The following MOB3B variants were observed in gnomAD, a reference collection of about 807,000 sequenced individuals.
MOB3B encodes MOB kinase activator 3B.
In MOB3B, 7 loss-of-function variants were observed where a neutral mutation model predicts 18.7. That is an observed-to-expected ratio of 0.37 (90% CI 0.21 to 0.70). The LOEUF (loss-of-function observed/expected upper bound fraction) is 0.70, where lower values mean the gene tolerates loss of function less well. Ranked by LOEUF, MOB3B falls within the 30% of genes least tolerant of loss-of-function variation. The pLI, the probability that MOB3B is intolerant of heterozygous loss-of-function variation, is 0.52. For missense variants in MOB3B, 253 were observed against 281.3 expected (o/e 0.90, Z 0.72); for synonymous variants, 111 against 99.9 (o/e 1.11, Z -0.66).
intron 3 of MOB3B, among the ~76,000 whole-genome samples, chr9:27,347,065 C>G (rs1821039391): frequency 6.6e-6 from 1 of 152,188 alleles, no homozygotes; most frequent in Admixed American, 6.5e-5. Flanking sequence ...CAGTGACAAT[C>G]TATGTTATTC....
intron 2 of MOB3B, among the ~76,000 whole-genome samples, chr9:27,438,825 T>G (rs946526539): frequency 6.6e-6 from 1 of 152,080 alleles, no homozygotes; most frequent in Non-Finnish European, 1.5e-5. Context: ...GCTAAAAAAC[T>G]TCATGGGCCC....
rs1345545331 is a variant in MOB3B at position 27,359,043 on chromosome 9, T to C, written c.612A>G (p.Leu204=). ...TEMNLIDRKE[L]EPLKEMTSRM... is the part of the protein sequence containing the mutation. ...TCATGGTGTCACTTACCAAAGGCTC[T>C]AGCTCCTTGCGGTCTATGAGGTTCA... Residue 204 remains leucine, a synonymous_variant, in exon 3 of 4, where the codon CTA becomes CTG. Coordinates refer to ENST00000262244, the MANE Select transcript of MOB3B (RefSeq NM_024761.5). The C allele has an allele frequency of 3.1e-6, 5 of 1,614,216 alleles. No individual in the cohort carries two copies. The highest frequency in any genetic ancestry group is 3.4e-6 in the Non-Finnish European group (4 of 1,180,030).
intron 1 of MOB3B, among the ~76,000 whole-genome samples, chr9:27,502,577 A>C (rs1028790251): frequency 1.4e-4 from 21 of 152,242 alleles, no homozygotes; most frequent in Non-Finnish European, 2.9e-5. Context: ...GAGATGGCCA[A>C]GTACACATCA....
chr9:27,494,271 C>T (rs1029173826), intron 1 of MOB3B, among the ~76,000 whole-genome samples: 3 of 152,168 alleles, frequency 2.0e-5, no homozygotes, highest in African/African-American at 7.2e-5. Context: ...CCTATGATCT[C>T]GCCCTGCCTC....
intron 2 of MOB3B, among the ~76,000 whole-genome samples, chr9:27,451,309 C>G (rs948839304): frequency 6.6e-6 from 1 of 152,142 alleles, no homozygotes; most frequent in Admixed American, 6.6e-5. Flanking sequence ...TCAGAATTTA[C>G]TGCTCTTTCA....
At chr9:27,435,047 TTCTCTCTC>T (rs60408942) in intron 2 of MOB3B, among the ~76,000 whole-genome samples, 62,621 of 145,816 alleles carry the variant, frequency 0.43, 13,314 homozygotes, top group South Asian at 0.48. Flanking sequence ...TGTAAGGTGT[TTCTCTCTC>T]TCTCTCTCTC....
chr9:27,438,978 G>A (rs947143431), intron 2 of MOB3B, among the ~76,000 whole-genome samples: 5 of 152,036 alleles, frequency 3.3e-5, no homozygotes, highest in Admixed American at 1.3e-4. Context: ...GAGCCTCAAC[G>A]GTTTATTGAT....
intron 2 of MOB3B, among the ~76,000 whole-genome samples, chr9:27,430,654 A>G (rs1822404342): frequency 6.6e-6 from 1 of 152,198 alleles, no homozygotes; most frequent in African/African-American, 2.4e-5. Flanking sequence ...GTTAAAGCCA[A>G]GGTAAAAGAA....
chr9:27,326,457 GA>G lies in MOB3B; in HGVS notation c.*4129del. 1 of 398,524 alleles carries G rather than the reference GA, an allele frequency of 2.5e-6. No homozygotes were observed. Among genetic ancestry groups the G allele is most frequent in the Admixed American group, 4.4e-5 (1 of 22,726 alleles). 24.7% of individuals were successfully genotyped at this position (398,524 alleles called of 1,614,324 possible). The stretch of plus-strand genomic sequence containing the variant: ...AGTGGGACACTAGAAAAGATATACT[GA>G]AACTCAAAAAGAATACTTCAGCTCG... On this transcript the variant is annotated 3_prime_UTR_variant, in exon 4 of 4. Coordinates refer to ENST00000262244, the MANE Select transcript of MOB3B (RefSeq NM_024761.5).
chr9:27,328,855 T>A lies in MOB3B; in HGVS notation c.*1732A>T, dbSNP rs1820748099. ...AGATGTAGGGAAAAAACTTTGCCTATCTTGTCCTCTCAAAGTTACTTAGGA... is the reference window on the plus strand; with the variant it reads ...AGATGTAGGGAAAAAACTTTGCCTAACTTGTCCTCTCAAAGTTACTTAGGA... On this transcript the variant is annotated 3_prime_UTR_variant, in exon 4 of 4. Coordinates refer to ENST00000262244, the MANE Select transcript of MOB3B (RefSeq NM_024761.5). The A allele has an allele frequency of 6.6e-6, 1 of 152,614 alleles. No individual in the cohort carries two copies. Among genetic ancestry groups the A allele is most frequent in the Non-Finnish European group, 1.5e-5 (1 of 68,032 alleles). The allele number at this position is 152,614 out of a possible 1,614,324, so 9.5% of individuals were successfully genotyped here.
chr9:27,357,325 C>T (rs1357676508), intron 3 of MOB3B, among the ~76,000 whole-genome samples: 1 of 150,738 alleles, frequency 6.6e-6, no homozygotes. Flanking sequence ...CTTGTTGATC[C>T]TGGAGGGACT....
rs1215601859 is a variant in MOB3B at position 27,472,430 on chromosome 9, TG to T, written c.-198-16683del. On this transcript the variant is annotated intron_variant, in intron 1 of 3. Transcript: ENST00000262244. The stretch of plus-strand genomic sequence containing the variant: ...CTGCGGCGAGGGCTCGCTTTATTTT[TG>T]GTCCAAGCTGACAGTACAGGAAGCC... Among the ~76,000 whole-genome samples the T allele has an allele frequency of 9.4e-4, 143 of 152,256 alleles. 1 individual carries two copies. Among genetic ancestry groups the T allele is most frequent in the Non-Finnish European group, 1.9e-4 (13 of 68,010 alleles).
intron 1 of MOB3B, among the ~76,000 whole-genome samples, chr9:27,503,654 C>CATA (rs1257525297): frequency 6.6e-6 from 1 of 152,248 alleles, no homozygotes; most frequent in East Asian, 1.9e-4. Context: ...GCACCAGAAT[C>CATA]ATAGAATAAT....
At chr9:27,501,646 T>C (rs571483344) in intron 1 of MOB3B, among the ~76,000 whole-genome samples, 3 of 150,758 alleles carry the variant, frequency 2.0e-5, no homozygotes, top group Non-Finnish European at 3.0e-5. Context: ...AAATAACTAA[T>C]GTAAATGATG....
intron 1 of MOB3B, among the ~76,000 whole-genome samples, chr9:27,477,664 A>G (rs1311932710): frequency 1.3e-5 from 2 of 152,258 alleles, no homozygotes; most frequent in Non-Finnish European, 2.9e-5. Flanking sequence ...GTTCCAAAAT[A>G]TAAGCCATGG....
chr9:27,449,421 A>G (rs1451387441), intron 2 of MOB3B, among the ~76,000 whole-genome samples: 1 of 152,174 alleles, frequency 6.6e-6, no homozygotes, highest in African/African-American at 2.4e-5. Flanking sequence ...GTTTTTATTC[A>G]TACTGCTTCA....
At chr9:27,525,093 C>A in intron 1 of MOB3B, 1 of 715,776 alleles carries the variant, frequency 1.4e-6, no homozygotes, top group Non-Finnish European at 2.2e-6. Flanking sequence ...CTCGGAACAT[C>A]AGGGACACTC....
chr9:27,352,357 G>A (rs1385785142), intron 3 of MOB3B, among the ~76,000 whole-genome samples: 1 of 141,930 alleles, frequency 7.0e-6, no homozygotes. Context: ...GGGTGACAGA[G>A]TGAGACCCTG....
In MOB3B at chr9:27,429,973, G is replaced by C. The variant is rs541162060; in HGVS notation, c.418+25160C>G. Among the ~76,000 whole-genome samples, 6 of 152,288 alleles carry C rather than the reference G, an allele frequency of 3.9e-5. No individual in the cohort carries two copies. The South Asian group carries it at 1.0e-3, about 26-fold the overall frequency. ...AGATCAGTGCCTGCAGCTCAGGAGCGAATGCAACGAAGTTCTATGGAGGCC... is the reference window on the plus strand; with the variant it reads ...AGATCAGTGCCTGCAGCTCAGGAGCCAATGCAACGAAGTTCTATGGAGGCC... On this transcript the variant is annotated intron_variant, in intron 2 of 3. Coordinates refer to ENST00000262244, the MANE Select transcript of MOB3B (RefSeq NM_024761.5).
Sources: allele counts gnomAD v4.1 joint callset (sites outside exome capture counted in the v4.1 genomes callset), GRCh38; gene constraint gnomAD v4.1.1; transcripts MANE v1.5; gene names NCBI Gene and HGNC (gene_info 2026-07-23, HGNC 2026-07-21).